PRRX2: variants seen among roughly 807,000 people sequenced by gnomAD.
PRRX2 encodes paired related homeobox 2.
A neutral mutation model predicts 18.0 loss-of-function variants in PRRX2; 11 were observed. The observed-to-expected ratio is 0.61, with a 90% CI of 0.39 to 1.01. The LOEUF (loss-of-function observed/expected upper bound fraction) is 1.01. PRRX2 is among the 50% of genes least tolerant of loss of function. The pLI is 0.01. For missense variants in PRRX2, 387 were observed against 351.0 expected, an observed-to-expected ratio of 1.10 and a Z score of -0.82; for synonymous variants, 177 against 154.8, an observed-to-expected ratio of 1.14 and a Z score of -1.06.
chr9:129,680,918 CTG>C (rs1372791971), intron 1 of PRRX2, among the ~76,000 whole-genome samples: 1 of 152,216 alleles, frequency 6.6e-6, no homozygotes, highest in African/African-American at 2.4e-5. Flanking sequence ...TAAAACACAA[CTG>C]TTTTTGTAAT....
chr9:129,719,014 C>A (rs995908721), intron 1 of PRRX2, among the ~76,000 whole-genome samples: 6 of 152,322 alleles, frequency 3.9e-5, no homozygotes, highest in African/African-American at 1.4e-4. Flanking sequence ...TCCCCGGAGT[C>A]TAGCACTGGG....
At chr9:129,667,357 C>A (rs1414172934) in intron 1 of PRRX2, among the ~76,000 whole-genome samples, 1 of 152,196 alleles carries the variant, frequency 6.6e-6, no homozygotes, top group African/African-American at 2.4e-5. Flanking sequence ...AAAGCAGGTG[C>A]CCTCTGGTTT....
chr9:129,685,762 G>A (rs762646169), intron 1 of PRRX2, among the ~76,000 whole-genome samples: 26 of 152,220 alleles, frequency 1.7e-4, no homozygotes, highest in African/African-American at 5.3e-4. Flanking sequence ...ACTTAAGGGC[G>A]TGGTTTGTGA....
rs773930013 is a variant in PRRX2, at chr9:129,720,701, G to A, written c.553G>A (p.Glu185Lys). The change falls in exon 3 of 4, where the codon GAG becomes AAG. Residue 185 changes from glutamate (E) to lysine (K), a missense_variant. Physicochemically the swap from Glu to Lys is moderately conservative, Grantham distance 56. Coordinates refer to ENST00000372469, the MANE Select transcript of PRRX2 (RefSeq NM_016307.4). The stretch of plus-strand genomic sequence containing the variant: ...GTCCTACAGCCAGGAGGCCGCCATC[G>A]AGCAGCCCGTGGCTCCCCGGCCCAC... The part of the protein sequence containing the change: ...LKSYSQEAAI[E>K]QPVAPRPTAL... 1.1e-5 allele frequency: 17 copies of A among 1,613,102 alleles called. No homozygotes were observed. Among genetic ancestry groups the A allele is most frequent in the South Asian group, 3.3e-5 (3 of 90,994 alleles).
intron 2 of PRRX2, 103 bp from the exon 3 acceptor site, chr9:129,720,493 G>A (rs1309952092): frequency 1.9e-5 from 22 of 1,161,706 alleles, no homozygotes; most frequent in Non-Finnish European, 2.5e-5. Flanking sequence ...GAGAGGTGAC[G>A]CTGCCAGCCC....
rs1458601431 is a variant in PRRX2, at chr9:129,675,619, G to A, written c.259+9493G>A. 3.6e-4 allele frequency among the ~76,000 whole-genome samples: 22 copies of A among 61,758 alleles called. No individual in the cohort carries two copies. The highest frequency in any genetic ancestry group is 5.6e-4 in the Non-Finnish European group (16 of 28,404). 40.5% of individuals were successfully genotyped at this position (61,758 alleles called of 152,430 possible). ...ACTTTGTCCTCCTGCCCCCACCCCC[G>A]CCTCCCTGTCTGTCCTCCCCCACTG... On this transcript the variant is annotated intron_variant, in intron 1 of 3. Coordinates refer to ENST00000372469, the MANE Select transcript of PRRX2 (RefSeq NM_016307.4). This position sits in a 1 kb window ranked among gnomAD's most constrained non-coding sequence, Gnocchi z 4.4.
rs72324782 is a variant in PRRX2 at position 129,684,427 on chromosome 9, A to AAC, written c.259+18332_259+18333dup. 5.3e-3 allele frequency among the ~76,000 whole-genome samples: 439 copies of AAC among 83,000 alleles called. 4 individuals are homozygous for AAC. Among genetic ancestry groups the AAC allele is most frequent in the East Asian group, 9.5e-3 (28 of 2,958 alleles). 54.5% of individuals were successfully genotyped at this position (83,000 alleles called of 152,430 possible). ...CACAGAGAGAGACACACACAGATAC[A>AAC]ACACACACACACACACACACACACA... On this transcript the variant is annotated intron_variant, in intron 1 of 3. Transcript: ENST00000372469.
At chr9:129,699,295 G>A (rs1047320732) in intron 1 of PRRX2, among the ~76,000 whole-genome samples, 9 of 152,090 alleles carry the variant, frequency 5.9e-5, no homozygotes, top group African/African-American at 1.7e-4. Context: ...GTGGTGGTGC[G>A]CACCTGTAAT....
At chr9:129,672,067 G>A (rs182983208) in intron 1 of PRRX2, among the ~76,000 whole-genome samples, 6 of 152,278 alleles carry the variant, frequency 3.9e-5, no homozygotes, top group African/African-American at 7.2e-5. Context: ...GGCTGGACGC[G>A]GCAGAACTTG....
intron 1 of PRRX2, among the ~76,000 whole-genome samples, chr9:129,685,604 A>G (rs927365160): frequency 6.6e-6 from 1 of 152,072 alleles, no homozygotes; most frequent in Non-Finnish European, 1.5e-5. Context: ...CAGCCTCCCA[A>G]AGTGTTGGGA....
chr9:129,694,373 T>G (rs912915727), intron 1 of PRRX2, among the ~76,000 whole-genome samples: 1 of 152,156 alleles, frequency 6.6e-6, no homozygotes, highest in African/African-American at 2.4e-5. Flanking sequence ...TTAGTAGAGA[T>G]GGGTTTTTGC....
intron 1 of PRRX2, among the ~76,000 whole-genome samples, chr9:129,707,673 C>T (rs1164766361): frequency 6.6e-6 from 1 of 151,870 alleles, no homozygotes; most frequent in Non-Finnish European, 1.5e-5. Flanking sequence ...CGCCTGTAGT[C>T]CCAGCTACCA....
chr9:129,698,600 C>T (rs965288065), intron 1 of PRRX2, among the ~76,000 whole-genome samples: 1 of 152,248 alleles, frequency 6.6e-6, no homozygotes, highest in Non-Finnish European at 1.5e-5. Context: ...AGACTAATCC[C>T]TGCTAGGCGC....
intron 1 of PRRX2, among the ~76,000 whole-genome samples, chr9:129,711,399 CTTTT>C (rs897807963): frequency 6.1e-4 from 52 of 85,042 alleles, no homozygotes; most frequent in African/African-American, 1.8e-3. Context: ...GTGAGATTCT[CTTTT>C]TTTTTTTTTT....
intron 1 of PRRX2, among the ~76,000 whole-genome samples, chr9:129,690,593 G>A (rs890201313): frequency 8.1e-5 from 12 of 148,922 alleles, no homozygotes; most frequent in African/African-American, 2.2e-4. Flanking sequence ...TGCAGTCTCC[G>A]CCTCCTGGGT....
intron 1 of PRRX2, among the ~76,000 whole-genome samples, chr9:129,690,850 A>G (rs114692115): frequency 0.015 from 2,339 of 151,822 alleles, 58 homozygotes; most frequent in African/African-American, 0.053. Context: ...CCATGAGGCC[A>G]TCTCCAACAA....
Position 129,709,083 on chromosome 9 carries a change from G to A in PRRX2, c.260-10148G>A, listed in dbSNP as rs1230308429. 6.6e-6 allele frequency among the ~76,000 whole-genome samples: 1 copy of A among 152,090 alleles called. No homozygotes were observed. Among genetic ancestry groups the A allele is most frequent in the Non-Finnish European group, 1.5e-5 (1 of 67,998 alleles). On this transcript the variant is annotated intron_variant, in intron 1 of 3. Coordinates refer to ENST00000372469, the MANE Select transcript of PRRX2 (RefSeq NM_016307.4). This position sits in a 1 kb window ranked among gnomAD's most constrained non-coding sequence, Gnocchi z 4.2. ...GGGAAGGCCTCTCAGGGCTGGGCAT[G>A]TAGGCTGAAATCCAGGGCTGGGTCA...
intron 1 of PRRX2, among the ~76,000 whole-genome samples, chr9:129,693,260 T>C (rs1191734745): frequency 1.3e-5 from 2 of 152,326 alleles, no homozygotes; most frequent in South Asian, 2.1e-4. Flanking sequence ...TTTAATCTGC[T>C]AAAGAAGTTT....
intron 1 of PRRX2, among the ~76,000 whole-genome samples, chr9:129,698,348 C>T (rs1832454770): frequency 6.6e-6 from 1 of 151,398 alleles, no homozygotes; most frequent in Admixed American, 6.6e-5. Flanking sequence ...GCTGCCAGGC[C>T]GGGCTGGGCC....
Sources: gnomAD v4.1 joint callset for allele counts (sites outside exome capture counted in the v4.1 genomes callset) on GRCh38, gnomAD v4.1.1 for gene constraint, Gnocchi (gnomAD v3.1) non-coding constraint, MANE v1.5 for transcripts, NCBI Gene and HGNC (gene_info 2026-07-23, HGNC 2026-07-21) for gene names.